EPHA7: variants seen among roughly 807,000 people sequenced by gnomAD.
EPHA7 encodes EPH receptor A7.
Under a neutral mutation model 112.6 loss-of-function variants are expected in EPHA7, and 25 were observed. That is an observed-to-expected ratio of 0.22 (90% confidence interval 0.16 to 0.31). The LOEUF (loss-of-function observed/expected upper bound fraction) is 0.31, where lower values mean the gene tolerates loss of function less well. Ranked by LOEUF, EPHA7 falls within the 10% of genes least tolerant of loss-of-function variation. The probability of loss-of-function intolerance (pLI) is 1.00; values close to 1 mark genes in which losing one functional copy is unlikely to be tolerated. For missense variants in EPHA7, 962 were observed against 1,212.6 expected, an observed-to-expected ratio of 0.79 and a Z score of 3.07; for synonymous variants, 437 against 406.5, an observed-to-expected ratio of 1.07 and a Z score of -0.90.
intron 3 of EPHA7, among the ~76,000 whole-genome samples, chr6:93,403,248 T>C (rs1051333389): frequency 2.6e-5 from 4 of 151,838 alleles, no homozygotes; most frequent in Non-Finnish European, 4.4e-5. Flanking sequence ...AGAAAGAAAA[T>C]CTTTGCTTTG....
chr6:93,388,135 A>G (rs1207742020), intron 3 of EPHA7, among the ~76,000 whole-genome samples: 8 of 152,162 alleles, frequency 5.3e-5, no homozygotes, highest in Non-Finnish European at 1.2e-4. Flanking sequence ...TTTCCTAAAA[A>G]CATGTATCAC....
chr6:93,319,496 G>A (rs1422261609), intron 5 of EPHA7, among the ~76,000 whole-genome samples: 1 of 152,122 alleles, frequency 6.6e-6, no homozygotes. Context: ...GACCACAGAC[G>A]CTGAGGAGGT....
At chr6:93,418,315 A>G (rs984157203) in intron 1 of EPHA7, among the ~76,000 whole-genome samples, 56 of 152,208 alleles carry the variant, frequency 3.7e-4, no homozygotes, top group African/African-American at 1.3e-3. Context: ...AAACATAACC[A>G]TATACAGGCG....
At chr6:93,394,409 T>C (rs560262775) in intron 3 of EPHA7, among the ~76,000 whole-genome samples, 165 of 151,794 alleles carry the variant, frequency 1.1e-3, no homozygotes, top group Non-Finnish European at 1.8e-3. Flanking sequence ...CTGTGGTCTT[T>C]GAGCACCATT....
At chr6:93,320,432 G>C (rs1582515372) in intron 5 of EPHA7, among the ~76,000 whole-genome samples, 1 of 151,992 alleles carries the variant, frequency 6.6e-6, no homozygotes, top group Non-Finnish European at 1.5e-5. Flanking sequence ...AGTGATTAGA[G>C]ACCAAATATG....
chr6:93,247,129 A>G, intron 14 of EPHA7, 144 bp from the exon 15 acceptor site: 1 of 705,536 alleles, frequency 1.4e-6, no homozygotes. Context: ...CAAAATTTCC[A>G]TGAATATTAA....
intron 3 of EPHA7, among the ~76,000 whole-genome samples, chr6:93,379,619 C>A: frequency 6.6e-6 from 1 of 151,800 alleles, no homozygotes; most frequent in East Asian, 1.9e-4. Flanking sequence ...AAGGTTTATA[C>A]GGCCAGTGAT....
intron 3 of EPHA7, among the ~76,000 whole-genome samples, chr6:93,390,096 A>G (rs926901522): frequency 6.6e-6 from 1 of 151,924 alleles, no homozygotes; most frequent in African/African-American, 2.4e-5. Flanking sequence ...CTGTCACTCA[A>G]TGGAAAGTAA....
chr6:93,291,309 A>G (rs1326249423), intron 5 of EPHA7, among the ~76,000 whole-genome samples: 1 of 152,222 alleles, frequency 6.6e-6, no homozygotes, highest in Non-Finnish European at 1.5e-5. Flanking sequence ...ATGTTTTAAA[A>G]TAAGAACTTT....
intron 5 of EPHA7, among the ~76,000 whole-genome samples, chr6:93,345,310 A>G (rs1267063300): frequency 1.3e-5 from 2 of 151,738 alleles, no homozygotes; most frequent in African/African-American, 4.8e-5. Flanking sequence ...AAAAATTAAG[A>G]CACTAATTAT....
At chr6:93,320,042 A>C (rs1458016079) in intron 5 of EPHA7, among the ~76,000 whole-genome samples, 1 of 151,998 alleles carries the variant, frequency 6.6e-6, no homozygotes, top group Non-Finnish European at 1.5e-5. Context: ...TATAATAAGA[A>C]AGTATGATAG....
intron 5 of EPHA7, among the ~76,000 whole-genome samples, chr6:93,276,466 T>C (rs1771476716): frequency 1.3e-5 from 2 of 152,156 alleles, no homozygotes; most frequent in Non-Finnish European, 1.5e-5. Flanking sequence ...AGTTTTCAAG[T>C]AAGAGCCAAG....
rs993161795 is a variant in EPHA7, at chr6:93,240,980, C to G, written c.*2446G>C. On this transcript the variant is annotated 3_prime_UTR_variant, in exon 17 of 17. Transcript: ENST00000369303. ...GTGCTGTGTGTCTTTCCCATCCCTT[C>G]TCCCCTTTCCCTGTAAAGAGCTGTA... 1.9e-5 allele frequency: 4 copies of G among 214,084 alleles called. No homozygotes were observed. The highest frequency in any genetic ancestry group is 9.0e-5 in the African/African-American group (4 of 44,354). The allele number at this position is 214,084 out of a possible 1,614,324, so 13.3% of individuals were successfully genotyped here.
chr6:93,257,962 TG>T, intron 11 of EPHA7, 136 bp downstream of exon 11: 1 of 790,728 alleles, frequency 1.3e-6, no homozygotes, highest in Non-Finnish European at 1.9e-6. Context: ...AAGAATTTTT[TG>T]ATTAGTTACA....
At chr6:93,387,083 T>C (rs1582645303) in intron 3 of EPHA7, among the ~76,000 whole-genome samples, 2 of 152,136 alleles carry the variant, frequency 1.3e-5, no homozygotes, top group African/African-American at 2.4e-5. Flanking sequence ...TTCTGCAGCA[T>C]ATTTCTCCCC....
At chr6:93,245,592 G>A in intron 15 of EPHA7, 139 bp from the exon 16 acceptor site, 1 of 798,504 alleles carries the variant, frequency 1.3e-6, no homozygotes, top group Non-Finnish European at 1.8e-6. Context: ...ACATCGATAT[G>A]CTAATAAAAA....
At chr6:93,308,176 C>T (rs1298314137) in intron 5 of EPHA7, among the ~76,000 whole-genome samples, 3 of 151,996 alleles carry the variant, frequency 2.0e-5, no homozygotes, top group Non-Finnish European at 4.4e-5. Flanking sequence ...TTTAATCACT[C>T]GAGTGACATG....
At chr6:93,289,794 T>C (rs1772265395) in intron 5 of EPHA7, among the ~76,000 whole-genome samples, 1 of 152,146 alleles carries the variant, frequency 6.6e-6, no homozygotes, top group South Asian at 2.1e-4. Context: ...ACATATAAAA[T>C]CATTGGTTAC....
intron 5 of EPHA7, among the ~76,000 whole-genome samples, chr6:93,330,451 C>T (rs1774536373): frequency 6.6e-6 from 1 of 151,314 alleles, no homozygotes; most frequent in Admixed American, 6.6e-5. Flanking sequence ...CCTCTCTCCC[C>T]TAACCTTCTC....
Sources: gnomAD v4.1 joint callset for allele counts (sites outside exome capture counted in the v4.1 genomes callset) on GRCh38, gnomAD v4.1.1 for gene constraint, MANE v1.5 for transcripts, NCBI Gene and HGNC (gene_info 2026-07-23, HGNC 2026-07-21) for gene names.